CAST: variants seen among roughly 807,000 people sequenced by gnomAD.
CAST encodes the protein calpastatin.
A neutral mutation model predicts 119.6 loss-of-function variants in CAST; 76 were observed. The ratio of observed to expected loss-of-function variants is 0.64; its 90% CI spans 0.53 to 0.77. CAST has a LOEUF of 0.77. Ranked by LOEUF, CAST falls within the 30% of genes least tolerant of loss-of-function variation. CAST has a pLI of 0.00. For missense variants in CAST, 953 were observed against 946.5 expected (o/e 1.01, Z -0.09); for synonymous variants, 319 against 331.6 (o/e 0.96, Z 0.41).
chr5:96,283,418 A>C, the CAST span, among the ~76,000 whole-genome samples: 1 of 152,160 alleles, frequency 6.6e-6, no homozygotes, highest in Non-Finnish European at 1.5e-5. Flanking sequence ...CTTTTCACAG[A>C]TATTTTGGTC....
intron 1 of CAST, among the ~76,000 whole-genome samples, chr5:96,535,849 A>G (rs1745801959): frequency 6.6e-6 from 1 of 151,074 alleles, no homozygotes; most frequent in Non-Finnish European, 1.5e-5. Flanking sequence ...CTGGGATTAC[A>G]GGCGTGAGCC....
chr5:96,546,645 T>C (rs937021661), intron 1 of CAST: 1 of 152,220 alleles, frequency 6.6e-6, no homozygotes, highest in Non-Finnish European at 1.5e-5. Flanking sequence ...TCTCTATTTG[T>C]CACATACACT....
chr5:96,068,952 C>T, the CAST span, among the ~76,000 whole-genome samples: 2 of 145,130 alleles, frequency 1.4e-5, no homozygotes, highest in Admixed American at 7.1e-5. Flanking sequence ...AAGACAAAAT[C>T]GACAGGATGT....
the CAST span, among the ~76,000 whole-genome samples, chr5:95,983,145 T>C: frequency 6.6e-6 from 1 of 152,230 alleles, no homozygotes; most frequent in Non-Finnish European, 1.5e-5. Flanking sequence ...CTTAATGATG[T>C]GTGCTTAGGC....
At chr5:96,490,614 A>G in the CAST span, among the ~76,000 whole-genome samples, 1 of 152,164 alleles carries the variant, frequency 6.6e-6, no homozygotes, top group African/African-American at 2.4e-5. Context: ...ATATATAAGA[A>G]TACAAATGAC....
intron 3 of CAST, among the ~76,000 whole-genome samples, chr5:96,710,633 ACATT>A (rs1755931817): frequency 6.6e-6 from 1 of 152,178 alleles, no homozygotes; most frequent in African/African-American, 2.4e-5. Context: ...GCTTGACATT[ACATT>A]CATTGCCAGC....
the CAST span, among the ~76,000 whole-genome samples, chr5:96,117,321 A>G: frequency 6.6e-6 from 1 of 152,034 alleles, no homozygotes; most frequent in Non-Finnish European, 1.5e-5. Context: ...AGAGATTTAA[A>G]CCCTGCTTTC....
intron 27 of CAST, among the ~76,000 whole-genome samples, 199 bp downstream of exon 27, chr5:96,766,344 G>T (rs1170244697): frequency 6.6e-6 from 1 of 152,118 alleles, no homozygotes; most frequent in Non-Finnish European, 1.5e-5. Flanking sequence ...CATATGCTAG[G>T]CTCTGTGGTA....
the CAST span, among the ~76,000 whole-genome samples, chr5:96,366,837 C>A: frequency 6.6e-6 from 1 of 152,232 alleles, no homozygotes; most frequent in African/African-American, 2.4e-5. Flanking sequence ...ATGTCAAAGT[C>A]ATTCTCCATC....
chr5:96,233,369 ATAAG>A, the CAST span, among the ~76,000 whole-genome samples: 1 of 152,148 alleles, frequency 6.6e-6, no homozygotes, highest in Non-Finnish European at 1.5e-5. Context: ...TATTAAAAGA[ATAAG>A]TAAATAGGAA....
chr5:96,763,987 C>A (rs1181566248), intron 25 of CAST, among the ~76,000 whole-genome samples: 2 of 150,000 alleles, frequency 1.3e-5, no homozygotes, highest in South Asian at 2.1e-4. Flanking sequence ...CTGCTTAGTT[C>A]ACTGAGAACC....
At chr5:96,047,501 A>G in the CAST span, among the ~76,000 whole-genome samples, 1 of 152,218 alleles carries the variant, frequency 6.6e-6, no homozygotes, top group South Asian at 2.1e-4. Context: ...CTTTCAAAGA[A>G]AAAAGAAGAG....
At chr5:96,341,906 T>C in the CAST span, among the ~76,000 whole-genome samples, 4 of 152,136 alleles carry the variant, frequency 2.6e-5, no homozygotes, top group Non-Finnish European at 5.9e-5. Flanking sequence ...CACAATATGA[T>C]TTCGTGGATT....
the CAST span, among the ~76,000 whole-genome samples, chr5:95,995,522 C>T: frequency 6.6e-6 from 1 of 151,978 alleles, no homozygotes; most frequent in African/African-American, 2.4e-5. Context: ...TTGAATACCG[C>T]TGAAATTTGT....
chr5:96,008,446 G>A, the CAST span, among the ~76,000 whole-genome samples: 2 of 152,022 alleles, frequency 1.3e-5, no homozygotes, highest in African/African-American at 4.8e-5. Context: ...GGTGAACACT[G>A]TATGTATATG....
the CAST span, among the ~76,000 whole-genome samples, chr5:96,417,118 T>A: frequency 1.3e-5 from 2 of 152,172 alleles, no homozygotes; most frequent in Non-Finnish European, 2.9e-5. Context: ...GTTGGCCAGT[T>A]ACATTTCAAT....
chr5:96,165,897 A>G, the CAST span, among the ~76,000 whole-genome samples: 2 of 152,206 alleles, frequency 1.3e-5, no homozygotes, highest in Non-Finnish European at 2.9e-5. Context: ...AAAGTTATTC[A>G]CAGTATAACA....
intron 3 of CAST, among the ~76,000 whole-genome samples, chr5:96,717,360 T>C (rs1355587950): frequency 6.6e-6 from 1 of 152,142 alleles, no homozygotes; most frequent in Non-Finnish European, 1.5e-5. Flanking sequence ...AGATGGGACT[T>C]GGGCAGGGAA....
the CAST span, among the ~76,000 whole-genome samples, chr5:96,282,328 C>T: frequency 1.2e-4 from 18 of 152,256 alleles, no homozygotes; most frequent in African/African-American, 2.9e-4. Flanking sequence ...TCAGTTCCTT[C>T]GCTGAGTGAA....
Sources: gnomAD v4.1 joint callset for allele counts (sites outside exome capture counted in the v4.1 genomes callset) on GRCh38, gnomAD v4.1.1 for gene constraint, MANE v1.5 for transcripts, NCBI Gene and HGNC (gene_info 2026-07-23, HGNC 2026-07-21) for gene names.